Variants in CSMD1 observed in about 807,000 individuals in gnomAD.
CSMD1 encodes the protein CUB and sushi domain-containing protein 1.
Under a neutral mutation model 417.5 loss-of-function variants are expected in CSMD1, and 213 were observed. That is an observed-to-expected ratio of 0.51 (90% confidence interval 0.46 to 0.57). The LOEUF (loss-of-function observed/expected upper bound fraction) is 0.57. Among genes scored for constraint, CSMD1 ranks in the 20% least tolerant of loss-of-function variants. The probability of loss-of-function intolerance (pLI) is 0.00; values close to 1 mark genes in which losing one functional copy is unlikely to be tolerated. For synonymous variants in CSMD1, 2,862 were observed against 1,736.8 expected (o/e 1.65, Z -16.11); for missense variants, 6,923 against 4,529.7 (o/e 1.53, Z -15.17).
At chr8:3,462,932 T>A (rs932084873) in intron 12 of CSMD1, among the ~76,000 whole-genome samples, 1 of 152,170 alleles carries the variant, frequency 6.6e-6, no homozygotes, top group Non-Finnish European at 1.5e-5. Flanking sequence ...GTGGAGCCCC[T>A]GTGAACAGGA....
intron 20 of CSMD1, among the ~76,000 whole-genome samples, chr8:3,359,583 T>C (rs540799263): frequency 6.6e-5 from 10 of 151,770 alleles, no homozygotes; most frequent in African/African-American, 2.4e-4. Flanking sequence ...TGAGAATTAC[T>C]AGAGGCTGGG....
intron 26 of CSMD1, among the ~76,000 whole-genome samples, chr8:3,274,704 A>C (rs552841229): frequency 6.6e-6 from 1 of 151,824 alleles, no homozygotes; most frequent in East Asian, 1.9e-4. Flanking sequence ...GTCTCTTTTG[A>C]TCTTTGTTGG....
At chr8:3,396,864 G>C (rs1390669440) in intron 16 of CSMD1, among the ~76,000 whole-genome samples, 1 of 151,672 alleles carries the variant, frequency 6.6e-6, no homozygotes, top group Non-Finnish European at 1.5e-5. Flanking sequence ...TGTGTGATGA[G>C]TTTAAACACC....
chr8:3,957,859 A>T (rs1013127575), intron 5 of CSMD1, among the ~76,000 whole-genome samples: 15 of 152,374 alleles, frequency 9.8e-5, no homozygotes, highest in African/African-American at 3.4e-4. Flanking sequence ...CATAAGAGGC[A>T]CATTTGGAGC....
rs755072803 is a variant in CSMD1, at chr8:3,108,691, G to A, written c.6666C>T (p.Leu2222=). The A allele has an allele frequency of 6.4e-5, 104 of 1,613,458 alleles. No individual in the cohort carries two copies. The highest frequency in any genetic ancestry group is 8.3e-5 in the Non-Finnish European group (98 of 1,179,758). Residue 2222 remains leucine (L), a synonymous_variant, in exon 44 of 70, where the codon CTC becomes CTT. Coordinates refer to ENST00000635120, the MANE Select transcript of CSMD1 (RefSeq NM_033225.6). The stretch of plus-strand genomic sequence containing the variant: ...GGTTGGTGGAGCTATACGCCGTTTC[G>A]AGGGCTGTGTTGCCACTGAAAACTC... ...QLGVFSGNTA[L]ETAYSSTNQV...
intron 3 of CSMD1, among the ~76,000 whole-genome samples, chr8:4,368,817 G>T (rs1802239806): frequency 6.6e-6 from 1 of 152,070 alleles, no homozygotes; most frequent in South Asian, 2.1e-4. Flanking sequence ...TGTCAGCTTT[G>T]TCATTTCTAA....
At chr8:4,703,091 T>C (rs928517835) in intron 1 of CSMD1, among the ~76,000 whole-genome samples, 10 of 152,226 alleles carry the variant, frequency 6.6e-5, no homozygotes, top group Admixed American at 3.3e-4. Flanking sequence ...ATAATTTGCA[T>C]TTGAGTAATG....
chr8:4,141,015 T>C (rs547825117), intron 3 of CSMD1, among the ~76,000 whole-genome samples: 2 of 151,332 alleles, frequency 1.3e-5, no homozygotes, highest in East Asian at 1.9e-4. Flanking sequence ...ACAGGTAATA[T>C]TCCTTACAAA....
At chr8:3,949,643 T>C (rs1022007925) in intron 5 of CSMD1, among the ~76,000 whole-genome samples, 5 of 151,994 alleles carry the variant, frequency 3.3e-5, no homozygotes, top group Non-Finnish European at 5.9e-5. Flanking sequence ...AGGTACAAGA[T>C]TGAAGGGGCA....
intron 1 of CSMD1, among the ~76,000 whole-genome samples, chr8:4,738,895 C>CTGTGTTTGTGTGTGTG (rs1419577265): frequency 2.8e-5 from 1 of 35,116 alleles, no homozygotes; most frequent in African/African-American, 1.7e-4. Context: ...ACTTAAAATT[C>CTGTGTTTGTGTGTGTG]TGTGTGTTTG....
intron 1 of CSMD1, among the ~76,000 whole-genome samples, chr8:4,851,013 T>C (rs1407203533): frequency 6.6e-6 from 1 of 151,944 alleles, no homozygotes; most frequent in Non-Finnish European, 1.5e-5. Context: ...GTTAGTTACA[T>C]ATGTATACAT....
chr8:4,141,598 G>C (rs1188088243), intron 3 of CSMD1, among the ~76,000 whole-genome samples: 1 of 150,990 alleles, frequency 6.6e-6, no homozygotes, highest in Non-Finnish European at 1.5e-5. Flanking sequence ...CTAAGAAATG[G>C]AGTTGTAACG....
chr8:4,948,236 C>G (rs1046450888), intron 1 of CSMD1, among the ~76,000 whole-genome samples: 1 of 151,960 alleles, frequency 6.6e-6, no homozygotes, highest in African/African-American at 2.4e-5. Flanking sequence ...CAAATAGTAT[C>G]AAGGTTTTAA....
At chr8:4,255,256 G>C (rs1333632165) in intron 3 of CSMD1, among the ~76,000 whole-genome samples, 1 of 152,080 alleles carries the variant, frequency 6.6e-6, no homozygotes, top group Admixed American at 6.5e-5. Flanking sequence ...TTTATCCAGT[G>C]AATATTTTCT....
intron 1 of CSMD1, among the ~76,000 whole-genome samples, chr8:4,647,474 A>C (rs1418873839): frequency 6.8e-6 from 1 of 148,026 alleles, no homozygotes; most frequent in Non-Finnish European, 1.5e-5. Context: ...CTACGTAGGT[A>C]CGCGTGTGCC....
At chr8:3,035,703 A>C (rs1810631670) in intron 50 of CSMD1, among the ~76,000 whole-genome samples, 1 of 152,244 alleles carries the variant, frequency 6.6e-6, no homozygotes, top group Non-Finnish European at 1.5e-5. Flanking sequence ...AAACTTTATA[A>C]ATCAATATTT....
chr8:4,989,394 G>A (rs1003955720), intron 1 of CSMD1, among the ~76,000 whole-genome samples: 1 of 152,170 alleles, frequency 6.6e-6, no homozygotes, highest in African/African-American at 2.4e-5. Flanking sequence ...TCCTATCCTA[G>A]GAGACAACAG....
intron 2 of CSMD1, among the ~76,000 whole-genome samples, chr8:4,457,957 C>T (rs953489489): frequency 6.6e-6 from 1 of 152,142 alleles, no homozygotes; most frequent in South Asian, 2.1e-4. Context: ...GGCAGAAAAA[C>T]CCAGATGTAC....
At chr8:3,216,665 T>G (rs1797898161) in intron 29 of CSMD1, among the ~76,000 whole-genome samples, 1 of 152,236 alleles carries the variant, frequency 6.6e-6, no homozygotes, top group Non-Finnish European at 1.5e-5. Flanking sequence ...TGGCACATTT[T>G]TTGCTTACAA....
Sources: allele counts gnomAD v4.1 joint callset (sites outside exome capture counted in the v4.1 genomes callset), GRCh38; gene constraint gnomAD v4.1.1; transcripts MANE v1.5; gene names NCBI Gene and HGNC (gene_info 2026-07-23, HGNC 2026-07-21).